The following KIT variants were observed in gnomAD, a reference collection of about 807,000 sequenced individuals.
The protein encoded by KIT is mast/stem cell growth factor receptor Kit.
In KIT, 16 loss-of-function variants were observed where a neutral mutation model predicts 105.7. The ratio of observed to expected loss-of-function variants is 0.15; its 90% CI spans 0.10 to 0.23. KIT has a LOEUF of 0.23. Among genes scored for constraint, KIT ranks in the 10% least tolerant of loss-of-function variants. The pLI is 1.00. For missense variants in KIT, 858 were observed against 1,213.8 expected (o/e 0.71, Z 4.36); for synonymous variants, 438 against 441.1 (o/e 0.99, Z 0.09).
chr4:54,712,604 C>A (rs970262665), intron 7 of KIT, among the ~76,000 whole-genome samples: 16 of 152,140 alleles, frequency 1.1e-4, no homozygotes, highest in Non-Finnish European at 1.9e-4. Context: ...CTGGTGGGGG[C>A]AAAATTGCTA....
At chr4:54,678,936 C>A (rs935839105) in intron 1 of KIT, among the ~76,000 whole-genome samples, 6 of 151,882 alleles carry the variant, frequency 4.0e-5, no homozygotes, top group African/African-American at 1.5e-4. Flanking sequence ...GCTAACATGA[C>A]CCCCTCCCCC....
In KIT at chr4:54,731,914, T is replaced by C. The variant is rs2109795322; in HGVS notation, c.2277T>C (p.Asp759=). The change falls in exon 16 of 21, where the codon GAT becomes GAC. Residue 759 remains aspartate, a synonymous_variant. Coordinates refer to ENST00000288135, the MANE Select transcript of KIT (RefSeq NM_000222.3). ...ERDVTPAIME[D]DELALDLEDL... is the part of the protein sequence containing the mutation. ...ATGTGACTCCCGCCATCATGGAGGA[T>C]GACGAGTTGGCCCTAGACTTAGAAG... 6.2e-7 allele frequency: 1 copy of C among 1,613,772 alleles called. No homozygotes were observed. The highest frequency in any genetic ancestry group is 8.5e-7 in the Non-Finnish European group (1 of 1,179,728).
intron 1 of KIT, among the ~76,000 whole-genome samples, chr4:54,669,933 A>G (rs1717987697): frequency 6.6e-6 from 1 of 152,152 alleles, no homozygotes; most frequent in Admixed American, 6.5e-5. Context: ...GAGTGGAGTC[A>G]GGGAAGCTTT....
chr4:54,689,240 T>C (rs1422586050), intron 1 of KIT, among the ~76,000 whole-genome samples: 2 of 152,212 alleles, frequency 1.3e-5, no homozygotes, highest in Non-Finnish European at 2.9e-5. Flanking sequence ...CACACACTCA[T>C]TTTTCACCAA....
Position 54,658,013 on chromosome 4 carries a change from C to G in KIT, c.-2C>G, listed in dbSNP as rs750060266. 6.2e-7 allele frequency: 1 copy of G among 1,613,612 alleles called. No individual in the cohort carries two copies. Among genetic ancestry groups the G allele is most frequent in the Non-Finnish European group, 8.5e-7 (1 of 1,179,686 alleles). Reference sequence around the variant, plus strand: ...AGCTCGGATCCCATCGCAGCTACCGCGATGAGAGGCGCTCGCGGCGCCTGG... The same window carrying G: ...AGCTCGGATCCCATCGCAGCTACCGGGATGAGAGGCGCTCGCGGCGCCTGG... On this transcript the variant is annotated 5_prime_UTR_variant, in exon 1 of 21. Coordinates refer to ENST00000288135, the MANE Select transcript of KIT (RefSeq NM_000222.3).
intron 7 of KIT, among the ~76,000 whole-genome samples, chr4:54,711,979 A>G (rs914563946): frequency 3.9e-5 from 6 of 152,046 alleles, no homozygotes; most frequent in Non-Finnish European, 5.9e-5. Flanking sequence ...TGTATTACCC[A>G]TGGACAAAAT....
At chr4:54,674,705 A>G (rs1209832443) in intron 1 of KIT, among the ~76,000 whole-genome samples, 6 of 152,204 alleles carry the variant, frequency 3.9e-5, no homozygotes, top group Admixed American at 2.0e-4. Context: ...CTGAAAACTG[A>G]TTACTATGGA....
intron 1 of KIT, among the ~76,000 whole-genome samples, chr4:54,662,703 GC>G (rs1717370086): frequency 6.6e-6 from 1 of 152,084 alleles, no homozygotes; most frequent in Non-Finnish European, 1.5e-5. Flanking sequence ...CTCCTGAGTA[GC>G]TGGGATTACA....
chr4:54,676,612 T>C (rs1718490844), intron 1 of KIT, among the ~76,000 whole-genome samples: 1 of 151,836 alleles, frequency 6.6e-6, no homozygotes, highest in South Asian at 2.1e-4. Flanking sequence ...AGGGGAAGAG[T>C]GGTATTTTCA....
chr4:54,662,272 G>A lies in KIT; in HGVS notation c.67+4191G>A, dbSNP rs114053780. Among the ~76,000 whole-genome samples the A allele has an allele frequency of 2.8e-3, 422 of 152,234 alleles. 1 individual carries two copies. The highest frequency in any genetic ancestry group is 4.2e-3 in the Non-Finnish European group (285 of 68,016). On this transcript the variant is annotated intron_variant, in intron 1 of 20. Transcript: ENST00000288135. ...AGACAGGCCGGCCTACCTTGTGTTG[G>A]TCTGATGGCTTCATGACTGACAGCT... is the stretch of plus-strand genomic sequence containing the variant.
chr4:54,736,268 C>G (rs1236213724), intron 17 of KIT, among the ~76,000 whole-genome samples: 2 of 152,122 alleles, frequency 1.3e-5, no homozygotes, highest in Non-Finnish European at 2.9e-5. Context: ...ATCTCCATGC[C>G]GTACTGACAT....
intron 2 of KIT, 200 bp downstream of exon 2, chr4:54,695,981 G>C (rs1427343397): frequency 8.0e-6 from 5 of 622,868 alleles, no homozygotes; most frequent in Admixed American, 5.6e-5. Context: ...CCCAGCTGGA[G>C]GACTGCAGGA....
chr4:54,719,356 T>G (rs1348472805), intron 7 of KIT, among the ~76,000 whole-genome samples: 1 of 152,206 alleles, frequency 6.6e-6, no homozygotes, highest in Non-Finnish European at 1.5e-5. Flanking sequence ...ATTTTGTTCT[T>G]GCTTTCCACA....
At position 54,738,869 on chromosome 4, in the gene KIT, T is replaced by C; in HGVS notation, c.*312T>C. ...GTCCTTTCCAAGGCTTCTCCAATTCTGCCCAAAAATATGGTTGATAGTTTA... is the reference window on the plus strand; with the variant it reads ...GTCCTTTCCAAGGCTTCTCCAATTCCGCCCAAAAATATGGTTGATAGTTTA... On this transcript the variant is annotated 3_prime_UTR_variant, in exon 21 of 21. Transcript: ENST00000288135. 1 of 597,706 alleles carries C rather than the reference T, an allele frequency of 1.7e-6. No individual in the cohort carries two copies. The highest frequency in any genetic ancestry group is 3.0e-6 in the Non-Finnish European group (1 of 336,874). The allele number at this position is 597,706 out of a possible 1,614,324, so 37.0% of individuals were successfully genotyped here.
intron 1 of KIT, 91 bp downstream of exon 1, chr4:54,658,172 G>A (rs995546119): frequency 7.7e-7 from 1 of 1,302,358 alleles, no homozygotes; most frequent in Admixed American, 1.7e-5. Flanking sequence ...CATCCGGAGA[G>A]AGGACTGCGG....
intron 17 of KIT, among the ~76,000 whole-genome samples, chr4:54,736,117 C>T (rs1369552177): frequency 5.9e-5 from 9 of 152,156 alleles, no homozygotes; most frequent in Non-Finnish European, 2.9e-5. Flanking sequence ...AAATGTAGTC[C>T]TAATTGTGAG....
rs72550820 is a variant in KIT at position 54,658,085 on chromosome 4, G to A, written c.67+4G>A. ...CTACTGCTTCGCGTCCAGACAGGTG[G>A]GACACCGCGGCTGGCACCCCGACCG... On this transcript the variant is annotated splice_donor_region_variant and intron_variant, in intron 1 of 20. Coordinates refer to ENST00000288135, the MANE Select transcript of KIT (RefSeq NM_000222.3). 22,198 of 1,613,756 alleles carry A rather than the reference G, an allele frequency of 0.014. 196 individuals are homozygous for A. The highest frequency in any genetic ancestry group is 0.022 in the South Asian group (1,967 of 91,082).
intron 7 of KIT, among the ~76,000 whole-genome samples, chr4:54,721,737 A>G (rs1372879372): frequency 6.6e-6 from 1 of 152,174 alleles, no homozygotes; most frequent in Non-Finnish European, 1.5e-5. Context: ...TGGGGAAATA[A>G]ACTTCCTAAG....
chr4:54,664,081 A>G (rs1364858231), intron 1 of KIT, among the ~76,000 whole-genome samples: 2 of 152,176 alleles, frequency 1.3e-5, no homozygotes, highest in Non-Finnish European at 2.9e-5. Context: ...CTTGATGGGC[A>G]GGTAATAGAG....
Sources: gnomAD v4.1 joint callset for allele counts (sites outside exome capture counted in the v4.1 genomes callset) on GRCh38, gnomAD v4.1.1 for gene constraint, MANE v1.5 for transcripts, NCBI Gene and HGNC (gene_info 2026-07-23, HGNC 2026-07-21) for gene names.